The following MAPKAP1 variants were observed in gnomAD, a reference collection of about 807,000 sequenced individuals.
The protein encoded by MAPKAP1 is MAPK associated protein 1, also known as target of rapamycin complex 2 subunit MAPKAP1.
In MAPKAP1, 20 loss-of-function variants were observed where a neutral mutation model predicts 65.7. That is an observed-to-expected ratio of 0.30 (90% confidence interval 0.21 to 0.44). MAPKAP1 has a LOEUF of 0.44. Ranked by LOEUF, MAPKAP1 falls within the 20% of genes least tolerant of loss-of-function variation. The probability of loss-of-function intolerance (pLI) is 1.00; values close to 1 mark genes in which losing one functional copy is unlikely to be tolerated. For missense variants in MAPKAP1, 423 were observed against 648.0 expected, an observed-to-expected ratio of 0.65 and a Z score of 3.77; for synonymous variants, 222 against 244.3, an observed-to-expected ratio of 0.91 and a Z score of 0.85.
chr9:125,651,013 C>T (rs1488033654), intron 4 of MAPKAP1, among the ~76,000 whole-genome samples: 7 of 152,284 alleles, frequency 4.6e-5, no homozygotes, highest in African/African-American at 1.7e-4. Context: ...GTCACCTAGG[C>T]TGGAGTGCAG....
intron 1 of MAPKAP1, among the ~76,000 whole-genome samples, chr9:125,677,550 G>C (rs1275516112): frequency 3.3e-5 from 5 of 152,204 alleles, no homozygotes; most frequent in African/African-American, 1.2e-4. Flanking sequence ...ATAAAAAGTA[G>C]GGGGGCGTGG....
rs140411219 is a variant in MAPKAP1, at chr9:125,625,049, G to C, written c.498+32602C>G. Among the ~76,000 whole-genome samples the C allele has an allele frequency of 2.8e-4, 16 of 56,768 alleles. 1 individual carries two copies. The highest frequency in any genetic ancestry group is 7.1e-4 in the African/African-American group (13 of 18,402). The allele number at this position is 56,768 out of a possible 152,430, so 37.2% of individuals were successfully genotyped here. On this transcript the variant is annotated intron_variant, in intron 4 of 11. Coordinates refer to ENST00000265960, the MANE Select transcript of MAPKAP1 (RefSeq NM_001006617.3). ...ACAGATGCTTGAAGGCAGCATGCTC[G>C]TTAAGAGTCATCACCACTCCCTAAT...
intron 7 of MAPKAP1, among the ~76,000 whole-genome samples, chr9:125,532,990 T>C (rs1278237456): frequency 6.6e-6 from 1 of 152,166 alleles, no homozygotes; most frequent in African/African-American, 2.4e-5. Flanking sequence ...TCTGAACATA[T>C]AAACAAAAGC....
At chr9:125,473,495 A>G (rs965968157) in intron 9 of MAPKAP1, among the ~76,000 whole-genome samples, 1 of 152,118 alleles carries the variant, frequency 6.6e-6, no homozygotes, top group Non-Finnish European at 1.5e-5. Context: ...TCCTACATCA[A>G]CGCCAGCATA....
Position 125,458,728 on chromosome 9 carries a change from T to C in MAPKAP1, c.1345+9244A>G, listed in dbSNP as rs1178356397. Among the ~76,000 whole-genome samples the C allele has an allele frequency of 4.0e-5, 6 of 149,100 alleles. No homozygotes were observed. In the South Asian group the frequency reaches 1.3e-3, roughly 33 times the overall value. ...TCCTGGCCTGTTCTCAATGAGCTGTTGGGTACACCTCCCAGATGGTGTGGT... is the reference window on the plus strand; with the variant it reads ...TCCTGGCCTGTTCTCAATGAGCTGTCGGGTACACCTCCCAGATGGTGTGGT... On this transcript the variant is annotated intron_variant, in intron 10 of 11. Transcript: ENST00000265960.
chr9:125,451,807 A>AG (rs1187083164), intron 10 of MAPKAP1, among the ~76,000 whole-genome samples: 4 of 92,994 alleles, frequency 4.3e-5, no homozygotes, highest in Admixed American at 2.3e-4. Flanking sequence ...TACTCACAGG[A>AG]GTTTTTTTTT....
Position 125,504,756 on chromosome 9 carries a change from G to A in MAPKAP1, c.1066+1554C>T, listed in dbSNP as rs117505408. On this transcript the variant is annotated intron_variant, in intron 8 of 11. Coordinates refer to ENST00000265960, the MANE Select transcript of MAPKAP1 (RefSeq NM_001006617.3). ...TGCAGTGAGCCTAGATCACACTACC[G>A]AACTCCAGCCTGGGTGACAGAGCAA... 2.2e-4 allele frequency among the ~76,000 whole-genome samples: 33 copies of A among 152,114 alleles called. 1 individual carries two copies. The East Asian group carries it at 2.9e-3, about 13-fold the overall frequency.
At chr9:125,465,770 G>A (rs965648535) in intron 10 of MAPKAP1, among the ~76,000 whole-genome samples, 2 of 152,190 alleles carry the variant, frequency 1.3e-5, no homozygotes, top group Non-Finnish European at 2.9e-5. Flanking sequence ...GCACAAAGGG[G>A]TATTCCTAGA....
chr9:125,581,631 T>C (rs1315366128), intron 5 of MAPKAP1, among the ~76,000 whole-genome samples: 1 of 152,242 alleles, frequency 6.6e-6, no homozygotes, highest in African/African-American at 2.4e-5. Context: ...AGTGTGTAGC[T>C]TGTCCTTTCA....
At chr9:125,442,537 A>T (rs910284621) in intron 11 of MAPKAP1, among the ~76,000 whole-genome samples, 6 of 11,972 alleles carry the variant, frequency 5.0e-4, no homozygotes, top group Non-Finnish European at 1.1e-3. Flanking sequence ...TGCTGGCTAT[A>T]AAAAAAAAAA....
chr9:125,628,190 A>T (rs1833169939), intron 4 of MAPKAP1, among the ~76,000 whole-genome samples: 1 of 152,202 alleles, frequency 6.6e-6, no homozygotes, highest in Non-Finnish European at 1.5e-5. Flanking sequence ...GTGTGAGCTG[A>T]ATCTTAAAGG....
At chr9:125,683,515 T>C (rs1313993604) in intron 1 of MAPKAP1, among the ~76,000 whole-genome samples, 1 of 152,180 alleles carries the variant, frequency 6.6e-6, no homozygotes, top group Non-Finnish European at 1.5e-5. Context: ...CTCTAGGAGC[T>C]GAAAATGGTC....
At chr9:125,694,052 G>T (rs1835312323) in intron 1 of MAPKAP1, among the ~76,000 whole-genome samples, 1 of 151,736 alleles carries the variant, frequency 6.6e-6, no homozygotes, top group Non-Finnish European at 1.5e-5. Flanking sequence ...TTTTAGGTTG[G>T]GCACGGTGGC....
intron 5 of MAPKAP1, among the ~76,000 whole-genome samples, 178 bp from the exon 6 acceptor site, chr9:125,559,987 G>A (rs1830845482): frequency 6.6e-6 from 1 of 152,144 alleles, no homozygotes; most frequent in South Asian, 2.1e-4. Context: ...ACATGGCAAT[G>A]CAAAGGGGAG....
intron 5 of MAPKAP1, among the ~76,000 whole-genome samples, chr9:125,578,565 GAAGA>G (rs1831520940): frequency 6.6e-6 from 1 of 152,070 alleles, no homozygotes; most frequent in African/African-American, 2.4e-5. Flanking sequence ...GTAAAAGACT[GAAGA>G]AAGAGCAAAG....
chr9:125,653,322 C>T (rs1193526855), intron 4 of MAPKAP1, among the ~76,000 whole-genome samples: 1 of 152,096 alleles, frequency 6.6e-6, no homozygotes, highest in African/African-American at 2.4e-5. Flanking sequence ...AAGAAACTGT[C>T]GGTTAAATCT....
At chr9:125,698,303 ATATATATATATAT>A (rs1835477266) in intron 1 of MAPKAP1, among the ~76,000 whole-genome samples, 2 of 21,464 alleles carry the variant, frequency 9.3e-5, no homozygotes, top group South Asian at 1.0e-3. Context: ...ATATATATAT[ATATATATATATAT>A]ATATATATAT....
chr9:125,568,914 GT>G, intron 5 of MAPKAP1: 2 of 180,140 alleles, frequency 1.1e-5, no homozygotes. Context: ...TCCATGAATG[GT>G]TTAAAAAAAA....
chr9:125,545,330 G>A (rs915204783), intron 6 of MAPKAP1, among the ~76,000 whole-genome samples: 2 of 152,196 alleles, frequency 1.3e-5, no homozygotes, highest in Admixed American at 1.3e-4. Flanking sequence ...ATAAACTTGG[G>A]GGTATTTGCT....
Sources: gnomAD v4.1 joint callset for allele counts (sites outside exome capture counted in the v4.1 genomes callset) on GRCh38, gnomAD v4.1.1 for gene constraint, MANE v1.5 for transcripts, NCBI Gene and HGNC (gene_info 2026-07-23, HGNC 2026-07-21) for gene names.